Variants in NCOR1 observed in about 807,000 individuals in gnomAD.
NCOR1 encodes nuclear receptor corepressor 1.
In NCOR1, 63 loss-of-function variants were observed where a neutral mutation model predicts 288.1. The observed-to-expected ratio is 0.22, with a 90% CI of 0.18 to 0.27. The LOEUF is 0.27. Ranked by LOEUF, NCOR1 falls within the 10% of genes least tolerant of loss-of-function variation. The pLI is 1.00. For missense variants in NCOR1, 2,397 were observed against 3,019.2 expected (o/e 0.79, Z 4.83); for synonymous variants, 1,007 against 1,065.9 (o/e 0.94, Z 1.08).
intron 14 of NCOR1, among the ~76,000 whole-genome samples, chr17:16,130,065 G>T (rs897794873): frequency 2.6e-5 from 4 of 152,178 alleles, no homozygotes; most frequent in African/African-American, 9.7e-5. Flanking sequence ...CCAAAGAAAT[G>T]GACAGAGTTG....
intron 37 of NCOR1, among the ~76,000 whole-genome samples, chr17:16,060,030 A>G (rs1388292335): frequency 1.3e-5 from 2 of 152,208 alleles, no homozygotes; most frequent in Non-Finnish European, 2.9e-5. Context: ...ACAACTTCCA[A>G]TATTCACTCA....
At chr17:16,198,678 A>C (rs113055875) in intron 1 of NCOR1, 4 of 152,076 alleles carry the variant, frequency 2.6e-5, no homozygotes, top group Non-Finnish European at 4.4e-5. Flanking sequence ...GTGAGCCGAG[A>C]TCGTGCCATT....
Position 16,091,868 on chromosome 17 carries a change from C to G in NCOR1, c.3011G>C (p.Trp1004Ser). Residue 1004 changes from tryptophan to serine, a missense_variant, in exon 22 of 46, where the codon TGG becomes TCG. This residue lies in a region of NCOR1 where 1,872 missense variants were observed against 2,187.8 expected (regional missense o/e 0.86). Coordinates refer to ENST00000268712, the MANE Select transcript of NCOR1 (RefSeq NM_006311.4). ...TGATAGCTCTATCTACCTACCTTCC[C>G]ACTCTCTGTTTGGACTCTTGGATGT... Reference protein sequence around the residue: ...CGTSKSPNREWEVLQPAPHQV... With the variant: ...CGTSKSPNRESEVLQPAPHQV... 6.2e-7 allele frequency: 1 copy of G among 1,614,096 alleles called. No homozygotes were observed. Among genetic ancestry groups the G allele is most frequent in the Non-Finnish European group, 8.5e-7 (1 of 1,180,018 alleles).
At chr17:16,187,112 A>G (rs961160728) in intron 2 of NCOR1, among the ~76,000 whole-genome samples, 3 of 152,124 alleles carry the variant, frequency 2.0e-5, no homozygotes, top group African/African-American at 7.2e-5. Flanking sequence ...CAGAGAATCA[A>G]CCTGCTAGTT....
At chr17:16,190,976 G>A (rs549561953) in intron 2 of NCOR1, among the ~76,000 whole-genome samples, 2 of 152,280 alleles carry the variant, frequency 1.3e-5, no homozygotes, top group South Asian at 2.1e-4. Context: ...AATCACAGTC[G>A]TTGAAGAAGC....
chr17:16,092,873 A>AT (rs917929804), intron 21 of NCOR1, among the ~76,000 whole-genome samples: 57 of 140,720 alleles, frequency 4.1e-4, no homozygotes, highest in East Asian at 8.3e-4. Context: ...TAATTTTTCT[A>AT]TTTTTTTTTT....
chr17:16,178,638 T>G (rs769330838), intron 3 of NCOR1, among the ~76,000 whole-genome samples: 61 of 152,218 alleles, frequency 4.0e-4, no homozygotes, highest in Middle Eastern at 6.8e-3. Context: ...TACTTGTAAT[T>G]CTTTCCGTGA....
intron 8 of NCOR1, among the ~76,000 whole-genome samples, chr17:16,151,383 T>G (rs1351062409): frequency 6.6e-6 from 1 of 152,164 alleles, no homozygotes; most frequent in Admixed American, 6.5e-5. Context: ...ACAAGGTGAC[T>G]GAGCGCTTCC....
At position 16,080,732 on chromosome 17, in the gene NCOR1, G is replaced by GA. The variant is rs773651152; in HGVS notation, c.3178-6dup. 1.0e-5 allele frequency: 16 copies of GA among 1,568,900 alleles called. No individual in the cohort carries two copies. Among genetic ancestry groups the GA allele is most frequent in the East Asian group, 4.6e-5 (2 of 43,734 alleles). ...CAAATAAGTGCCTGGTGTTCCCTAA[G>GA]AAAAAAACAAAAAAAAATTTAAAGA... is the stretch of plus-strand genomic sequence containing the variant. On this transcript the variant is annotated splice_polypyrimidine_tract_variant and splice_region_variant and intron_variant, in intron 23 of 45. Transcript: ENST00000268712.
At chr17:16,151,451 C>T (rs1343441059) in intron 8 of NCOR1, 1 of 566,018 alleles carries the variant, frequency 1.8e-6, no homozygotes, top group Non-Finnish European at 2.9e-6. Context: ...TAGCAAGAGT[C>T]ATGGAAGGGA....
chr17:16,094,631 G>T (rs913480096), intron 21 of NCOR1, among the ~76,000 whole-genome samples: 1 of 151,998 alleles, frequency 6.6e-6, no homozygotes, highest in Non-Finnish European at 1.5e-5. Flanking sequence ...GCTGGACTGT[G>T]CCGCTGCCAT....
At position 16,141,237 on chromosome 17, in the gene NCOR1, A is replaced by T. The variant is rs144501962; in HGVS notation, c.1174-2051T>A. On this transcript the variant is annotated intron_variant, in intron 11 of 45. Coordinates refer to ENST00000268712, the MANE Select transcript of NCOR1 (RefSeq NM_006311.4). ...ATATAACAATGCACTGAAAAGCTTG[A>T]GTGTGGGATATACCTCTGACTAAAT... 1.3e-4 allele frequency among the ~76,000 whole-genome samples: 20 copies of T among 152,260 alleles called. No individual in the cohort carries two copies. The East Asian group carries it at 3.9e-3, about 29-fold the overall frequency.
At chr17:16,129,671 T>TC (rs1302437098) in intron 14 of NCOR1, among the ~76,000 whole-genome samples, 1 of 152,196 alleles carries the variant, frequency 6.6e-6, no homozygotes, top group Non-Finnish European at 1.5e-5. Context: ...CATCCATGTG[T>TC]CACTCTGAAC....
chr17:16,072,200 C>T lies in NCOR1; in HGVS notation c.3840G>A (p.Gly1280=). ...TTTCTTTGAGGTCAGAATGAGGACT[C>T]CCCCTGGGTAATGCTCGGCATATCA... ...EGLICRALPR[G]SPHSDLKERT... Residue 1280 remains glycine, a synonymous_variant, in exon 29 of 46, where the codon GGG becomes GGA. Transcript: ENST00000268712. The T allele has an allele frequency of 6.2e-7, 1 of 1,612,322 alleles. No individual in the cohort carries two copies. The highest frequency in any genetic ancestry group is 8.5e-7 in the Non-Finnish European group (1 of 1,179,058).
intron 5 of NCOR1, 69 bp from the exon 6 acceptor site, chr17:16,158,942 A>G: frequency 9.6e-7 from 1 of 1,036,566 alleles, no homozygotes; most frequent in Non-Finnish European, 1.5e-6. Context: ...TAACCACTGG[A>G]GATAACACAG....
At chr17:16,206,779 T>A (rs747612648) in intron 1 of NCOR1, among the ~76,000 whole-genome samples, 6 of 152,058 alleles carry the variant, frequency 3.9e-5, no homozygotes, top group African/African-American at 1.4e-4. Flanking sequence ...CTTGGAACAG[T>A]AGTATATAAA....
At chr17:16,077,792 G>C (rs1217542149) in intron 26 of NCOR1, among the ~76,000 whole-genome samples, 2 of 152,102 alleles carry the variant, frequency 1.3e-5, no homozygotes, top group African/African-American at 4.8e-5. Flanking sequence ...ATGCGTTTGA[G>C]CCTAGTTATA....
chr17:16,132,040 T>C (rs2075727058), intron 14 of NCOR1, among the ~76,000 whole-genome samples: 1 of 152,210 alleles, frequency 6.6e-6, no homozygotes, highest in African/African-American at 2.4e-5. Context: ...TCTTAACTTG[T>C]CTAAAATAAT....
chr17:16,095,927 T>C (rs968932204), intron 21 of NCOR1, among the ~76,000 whole-genome samples: 23 of 151,936 alleles, frequency 1.5e-4, no homozygotes, highest in East Asian at 5.8e-4. Context: ...GGATGGTTGC[T>C]GTGTCTGTGT....
Sources: gnomAD v4.1 joint callset for allele counts (sites outside exome capture counted in the v4.1 genomes callset) on GRCh38, gnomAD v4.1.1 for gene constraint, gnomAD v4.1.1 regional missense constraint, MANE v1.5 for transcripts, NCBI Gene and HGNC (gene_info 2026-07-23, HGNC 2026-07-21) for gene names.